Variants in ARFGEF3 observed in about 807,000 individuals in gnomAD.
ARFGEF3 encodes ARFGEF family member 3.
Under a neutral mutation model 221.7 loss-of-function variants are expected in ARFGEF3, and 96 were observed. That is an observed-to-expected ratio of 0.43 (90% CI 0.37 to 0.51). The LOEUF (loss-of-function observed/expected upper bound fraction) is 0.51, where lower values mean the gene tolerates loss of function less well. Among genes scored for constraint, ARFGEF3 ranks in the 20% least tolerant of loss-of-function variants. The probability of loss-of-function intolerance (pLI) is 0.00; values close to 1 mark genes in which losing one functional copy is unlikely to be tolerated. For missense variants in ARFGEF3, 2,410 were observed against 2,789.9 expected, an observed-to-expected ratio of 0.86 and a Z score of 3.07; for synonymous variants, 1,145 against 1,126.8, an observed-to-expected ratio of 1.02 and a Z score of -0.32.
chr6:138,289,675 G>T, intron 17 of ARFGEF3, 143 bp from the exon 18 acceptor site: 4 of 824,318 alleles, frequency 4.9e-6, no homozygotes, highest in Middle Eastern at 3.1e-4. Flanking sequence ...ATGATGGTCC[G>T]CAAGGACCTA....
rs759743211 is a variant in ARFGEF3, at chr6:138,307,329, C to A, written c.3905C>A (p.Ala1302Asp). The change falls in exon 23 of 34, where the codon GCC becomes GAC. Residue 1302 changes from alanine (A) to aspartate (D), a missense_variant. By Grantham distance (126) the Ala-to-Asp change is moderately radical (BLOSUM62 -2). This residue lies in a region of ARFGEF3 where 723 missense variants were observed against 991.9 expected (regional missense o/e 0.73). Coordinates refer to ENST00000251691, the MANE Select transcript of ARFGEF3 (RefSeq NM_020340.5). ...IQSGWRPLFS[A>D]LETVHGGNKS... ...TCGGGATGGAGACCCTTGTTCAGTG[C>A]CCTGGAAACAGTGCATGGCGGGAAC... The A allele has an allele frequency of 6.2e-7, 1 of 1,613,932 alleles. No homozygotes were observed. The highest frequency in any genetic ancestry group is 1.3e-5 in the African/African-American group (1 of 75,030).
At chr6:138,237,311 A>G (rs1379125451) in intron 5 of ARFGEF3, among the ~76,000 whole-genome samples, 1 of 152,204 alleles carries the variant, frequency 6.6e-6, no homozygotes, top group African/African-American at 2.4e-5. Flanking sequence ...CTCTTCCTAG[A>G]AAAATAATTT....
At chr6:138,311,340 G>A in intron 24 of ARFGEF3, 67 bp from the exon 25 acceptor site, 1 of 925,552 alleles carries the variant, frequency 1.1e-6, no homozygotes, top group East Asian at 2.6e-5. Flanking sequence ...TGAGTAAACA[G>A]GTCTCCTGTT....
At chr6:138,279,083 A>G (rs191824994) in intron 13 of ARFGEF3, among the ~76,000 whole-genome samples, 70 of 152,202 alleles carry the variant, frequency 4.6e-4, no homozygotes, top group African/African-American at 1.7e-3. Context: ...TGAGCATGGC[A>G]TGGCTCACTG....
intron 31 of ARFGEF3, 45 bp downstream of exon 31, chr6:138,324,199 G>T (rs1437774487): frequency 6.3e-7 from 1 of 1,587,318 alleles, no homozygotes; most frequent in East Asian, 2.3e-5. Flanking sequence ...GAAACTCGAA[G>T]TGCATGTTGG....
intron 6 of ARFGEF3, among the ~76,000 whole-genome samples, chr6:138,239,331 A>T (rs1562364293): frequency 1.3e-5 from 2 of 152,174 alleles, no homozygotes; most frequent in Non-Finnish European, 2.9e-5. Flanking sequence ...CTGAAATGAC[A>T]TTAGTTATTT....
At chr6:138,315,246 A>G (rs1779902704) in intron 26 of ARFGEF3, among the ~76,000 whole-genome samples, 1 of 152,218 alleles carries the variant, frequency 6.6e-6, no homozygotes, top group African/African-American at 2.4e-5. Context: ...ATTTTAAAGA[A>G]TTTGTTTCCA....
intron 8 of ARFGEF3, among the ~76,000 whole-genome samples, chr6:138,253,513 G>A (rs565380938): frequency 6.6e-6 from 1 of 152,178 alleles, no homozygotes; most frequent in Non-Finnish European, 1.5e-5. Context: ...GCGCCTTGTA[G>A]ATGGCTGTCT....
rs534004090 is a variant in ARFGEF3, at chr6:138,181,675, C to T, written c.137+10962C>T. 1.4e-4 allele frequency among the ~76,000 whole-genome samples: 22 copies of T among 152,286 alleles called. 1 individual carries two copies. The highest frequency in any genetic ancestry group is 4.8e-4 in the African/African-American group (20 of 41,552). On this transcript the variant is annotated intron_variant, in intron 2 of 33. Transcript: ENST00000251691. ...GCCAGGCTGGTTTCGAACTCCTGGC[C>T]TCAAGTGATCCTCCCATCTTGGCCT...
At chr6:138,180,328 G>T (rs547710625) in intron 2 of ARFGEF3, among the ~76,000 whole-genome samples, 2 of 152,194 alleles carry the variant, frequency 1.3e-5, no homozygotes, top group Non-Finnish European at 2.9e-5. Context: ...AAAGGATGCT[G>T]GTGTAGAATT....
At chr6:138,210,751 C>G (rs779954535) in intron 4 of ARFGEF3, among the ~76,000 whole-genome samples, 2 of 152,136 alleles carry the variant, frequency 1.3e-5, no homozygotes, top group Non-Finnish European at 2.9e-5. Context: ...GTATTCTGTC[C>G]TTTTCCTCTC....
chr6:138,320,494 T>C (rs1264652999), intron 28 of ARFGEF3, among the ~76,000 whole-genome samples: 1 of 152,208 alleles, frequency 6.6e-6, no homozygotes, highest in Non-Finnish European at 1.5e-5. Context: ...TGTGTGAAGA[T>C]GTGGGTGTCC....
In ARFGEF3 at chr6:138,194,054, G is replaced by A. The variant is rs570325760; in HGVS notation, c.138-12988G>A. Among the ~76,000 whole-genome samples, 21 of 152,216 alleles carry A rather than the reference G, an allele frequency of 1.4e-4. 1 individual carries two copies. In the South Asian group the frequency reaches 3.3e-3, roughly 24 times the overall value. ...TTTGGGAAGTGGGTGGATCACCTGA[G>A]GTCAGGAGTTCGAGACCAGCCTGAA... On this transcript the variant is annotated intron_variant, in intron 2 of 33. Transcript: ENST00000251691.
chr6:138,272,869 A>G (rs1357880992), intron 12 of ARFGEF3, among the ~76,000 whole-genome samples: 1 of 152,260 alleles, frequency 6.6e-6, no homozygotes, highest in Non-Finnish European at 1.5e-5. Flanking sequence ...ATTAAACTTA[A>G]TATACTTATT....
intron 27 of ARFGEF3, among the ~76,000 whole-genome samples, chr6:138,318,372 A>C (rs919524445): frequency 6.6e-6 from 1 of 152,236 alleles, no homozygotes; most frequent in Non-Finnish European, 1.5e-5. Flanking sequence ...ATTATCAATA[A>C]TAAAGACAAA....
At chr6:138,285,641 T>A (rs907094449) in intron 14 of ARFGEF3, among the ~76,000 whole-genome samples, 1 of 152,016 alleles carries the variant, frequency 6.6e-6, no homozygotes, top group Non-Finnish European at 1.5e-5. Context: ...ATAAAAAGAG[T>A]ATTTAAGATC....
At chr6:138,193,971 A>G (rs1252251682) in intron 2 of ARFGEF3, among the ~76,000 whole-genome samples, 2 of 152,172 alleles carry the variant, frequency 1.3e-5, no homozygotes, top group African/African-American at 4.8e-5. Context: ...TAAGGTTATC[A>G]GCATATAAAA....
chr6:138,315,925 CAATT>C (rs565452910), intron 26 of ARFGEF3, among the ~76,000 whole-genome samples: 71 of 151,710 alleles, frequency 4.7e-4, no homozygotes, highest in African/African-American at 1.6e-3. Context: ...ATATAGAGAA[CAATT>C]AAAGTATTGA....
At chr6:138,261,748 G>T in intron 11 of ARFGEF3, 109 bp downstream of exon 11, 1 of 483,556 alleles carries the variant, frequency 2.1e-6, no homozygotes, top group Non-Finnish European at 3.6e-6. Flanking sequence ...TATGAAATGT[G>T]TCTATTTAAT....
Sources: gnomAD v4.1 joint callset for allele counts (sites outside exome capture counted in the v4.1 genomes callset) on GRCh38, gnomAD v4.1.1 for gene constraint, gnomAD v4.1.1 regional missense constraint, MANE v1.5 for transcripts, NCBI Gene and HGNC (gene_info 2026-07-23, HGNC 2026-07-21) for gene names.